The following PDZRN4 variants were observed in gnomAD, a reference collection of about 807,000 sequenced individuals.
PDZRN4 encodes the protein PDZ domain-containing RING finger protein 4.
Under a neutral mutation model 99.0 loss-of-function variants are expected in PDZRN4, and 70 were observed. The ratio of observed to expected loss-of-function variants is 0.71; its 90% CI spans 0.58 to 0.86. The LOEUF (loss-of-function observed/expected upper bound fraction) is 0.86, where lower values mean the gene tolerates loss of function less well. Among genes scored for constraint, PDZRN4 ranks in the 40% least tolerant of loss-of-function variants. The pLI is 0.00. For synonymous variants in PDZRN4, 551 were observed against 501.6 expected (o/e 1.10, Z -1.32); for missense variants, 1,474 against 1,331.2 (o/e 1.11, Z -1.67).
At chr12:41,476,803 T>A (rs1471086010) in intron 3 of PDZRN4, among the ~76,000 whole-genome samples, 1 of 152,166 alleles carries the variant, frequency 6.6e-6, no homozygotes, top group Non-Finnish European at 1.5e-5. Flanking sequence ...GATCTCCAAT[T>A]AAGCATCTGT....
chr12:41,246,712 C>T (rs146300854), intron 3 of PDZRN4, among the ~76,000 whole-genome samples: 189 of 152,242 alleles, frequency 1.2e-3, no homozygotes, highest in African/African-American at 4.2e-3. Context: ...CCTTCCCATT[C>T]AGTGGGAGTT....
intron 3 of PDZRN4, among the ~76,000 whole-genome samples, chr12:41,326,303 C>T (rs1380266119): frequency 1.3e-5 from 2 of 152,144 alleles, no homozygotes; most frequent in Admixed American, 6.6e-5. Flanking sequence ...TGACCATAAC[C>T]GGTAGCAATG....
At chr12:41,342,699 C>G (rs377521180) in intron 3 of PDZRN4, among the ~76,000 whole-genome samples, 1 of 151,572 alleles carries the variant, frequency 6.6e-6, no homozygotes, top group East Asian at 1.9e-4. Flanking sequence ...TCAAAAAGAC[C>G]AAAGAAAATA....
chr12:41,515,341 C>T (rs1175063874), intron 5 of PDZRN4, among the ~76,000 whole-genome samples: 1 of 151,924 alleles, frequency 6.6e-6, no homozygotes, highest in African/African-American at 2.4e-5. Flanking sequence ...CACTTAGTCC[C>T]TTTTCTTCCG....
intron 3 of PDZRN4, among the ~76,000 whole-genome samples, chr12:41,317,921 C>T (rs1461797493): frequency 5.3e-5 from 8 of 151,886 alleles, no homozygotes; most frequent in Non-Finnish European, 1.0e-4. Flanking sequence ...GCAGGTGGTA[C>T]GAAATGTTCA....
chr12:41,428,388 A>T (rs1565580246), intron 3 of PDZRN4, among the ~76,000 whole-genome samples: 1 of 152,160 alleles, frequency 6.6e-6, no homozygotes, highest in African/African-American at 2.4e-5. Context: ...TGTTTGCTCC[A>T]TGAGATCTGG....
intron 7 of PDZRN4, among the ~76,000 whole-genome samples, chr12:41,559,285 T>C (rs1939224756): frequency 6.6e-6 from 1 of 152,118 alleles, no homozygotes; most frequent in Admixed American, 6.5e-5. Flanking sequence ...CTGAGAATAG[T>C]TGTGGTTCTC....
chr12:41,415,638 C>A (rs1346096362), intron 3 of PDZRN4, among the ~76,000 whole-genome samples: 3 of 151,980 alleles, frequency 2.0e-5, no homozygotes, highest in Admixed American at 2.0e-4. Context: ...AAATGTTTTT[C>A]TTCCGTATCT....
At chr12:41,476,423 G>T (rs1230053404) in intron 3 of PDZRN4, among the ~76,000 whole-genome samples, 1 of 152,180 alleles carries the variant, frequency 6.6e-6, no homozygotes, top group Non-Finnish European at 1.5e-5. Flanking sequence ...ATTAACTAGT[G>T]TTTAAATGCC....
chr12:41,541,087 G>T (rs1938846418), intron 5 of PDZRN4, among the ~76,000 whole-genome samples: 1 of 151,964 alleles, frequency 6.6e-6, no homozygotes, highest in Non-Finnish European at 1.5e-5. Flanking sequence ...ACCATGCCCA[G>T]CTAATTTTTT....
At chr12:41,464,820 C>CTT (rs5797739) in intron 3 of PDZRN4, among the ~76,000 whole-genome samples, 17,788 of 104,670 alleles carry the variant, frequency 0.17, 1,932 homozygotes, top group Non-Finnish European at 0.22. Flanking sequence ...GCCTGTTGTA[C>CTT]TTTTTTTTTT....
intron 3 of PDZRN4, among the ~76,000 whole-genome samples, chr12:41,308,974 A>C (rs140540144): frequency 0.012 from 1,751 of 152,226 alleles, 29 homozygotes; most frequent in African/African-American, 0.039. Flanking sequence ...ATTTGGGAAA[A>C]AAAGCTTATA....
At position 41,311,232 on chromosome 12, in the gene PDZRN4, T is replaced by C. The variant is rs371431744; in HGVS notation, c.843+117044T>C. ...TTAAAAACCACACAGTCAATAAATA[T>C]ATATGTTAGGTATGATGTCTATGCT... On this transcript the variant is annotated intron_variant, in intron 3 of 9. Coordinates refer to ENST00000402685, the MANE Select transcript of PDZRN4 (RefSeq NM_001164595.2). Among the ~76,000 whole-genome samples, 10 of 152,052 alleles carry C rather than the reference T, an allele frequency of 6.6e-5. No homozygotes were observed. The East Asian group carries it at 9.7e-4, about 15-fold the overall frequency.
At chr12:41,370,538 C>T (rs976350076) in intron 3 of PDZRN4, among the ~76,000 whole-genome samples, 3 of 151,868 alleles carry the variant, frequency 2.0e-5, no homozygotes, top group African/African-American at 7.2e-5. Context: ...AGCACTATGT[C>T]TAGAGTGTGA....
In PDZRN4 at chr12:41,417,705, G is replaced by A. The variant is rs148116194; in HGVS notation, c.844-88751G>A. 2.9e-4 allele frequency among the ~76,000 whole-genome samples: 44 copies of A among 152,270 alleles called. No homozygotes were observed. The East Asian group carries it at 8.5e-3, about 29-fold the overall frequency. ...AAGAAGAGAAAAGCTCACAGAACTG[G>A]TAAACTTTGCATTCTCAGATAGGTG... On this transcript the variant is annotated intron_variant, in intron 3 of 9. Coordinates refer to ENST00000402685, the MANE Select transcript of PDZRN4 (RefSeq NM_001164595.2).
intron 3 of PDZRN4, among the ~76,000 whole-genome samples, chr12:41,263,726 CA>C (rs529256980): frequency 7.6e-4 from 116 of 152,098 alleles, no homozygotes; most frequent in African/African-American, 2.6e-3. Flanking sequence ...AAGTTAAAAG[CA>C]AAATGTTGGT....
chr12:41,338,979 T>C (rs1225291548), intron 3 of PDZRN4, among the ~76,000 whole-genome samples: 1 of 151,986 alleles, frequency 6.6e-6, no homozygotes, highest in Non-Finnish European at 1.5e-5. Context: ...AACTCAATAT[T>C]GGTAAAACGT....
In PDZRN4 at chr12:41,286,831, G is replaced by A. The variant is rs142897106; in HGVS notation, c.843+92643G>A. ...ATTATGACACACACCCCATACATGC[G>A]AAGTTATGACTGTTTACATTTTAAA... On this transcript the variant is annotated intron_variant, in intron 3 of 9. Transcript: ENST00000402685. Among the ~76,000 whole-genome samples, 161 of 152,270 alleles carry A rather than the reference G, an allele frequency of 1.1e-3. 3 individuals are homozygous for A. Among genetic ancestry groups the A allele is most frequent in the African/African-American group, 3.6e-3 (151 of 41,554 alleles).
intron 3 of PDZRN4, among the ~76,000 whole-genome samples, chr12:41,465,122 T>G (rs2468316): frequency 0.54 from 82,750 of 151,878 alleles, 23,553 homozygotes; most frequent in African/African-American, 0.73. Flanking sequence ...ACTGCACCTG[T>G]CCGCCTTTTG....
Sources: gnomAD v4.1 joint callset for allele counts (sites outside exome capture counted in the v4.1 genomes callset) on GRCh38, gnomAD v4.1.1 for gene constraint, MANE v1.5 for transcripts, NCBI Gene and HGNC (gene_info 2026-07-23, HGNC 2026-07-21) for gene names.